Variants in LRRC63 observed in about 807,000 individuals in gnomAD.
The protein encoded by LRRC63 is leucine-rich repeat-containing protein 63.
A neutral mutation model predicts 49.5 loss-of-function variants in LRRC63; 40 were observed. The ratio of observed to expected loss-of-function variants is 0.81; its 90% CI spans 0.63 to 1.05. The LOEUF (loss-of-function observed/expected upper bound fraction) is 1.05. LRRC63 is among the 50% of genes least tolerant of loss of function. The pLI, the probability that LRRC63 is intolerant of heterozygous loss-of-function variation, is 0.00. For synonymous variants in LRRC63, 191 were observed against 221.1 expected (o/e 0.86, Z 1.21); for missense variants, 636 against 663.1 (o/e 0.96, Z 0.45).
intron 6 of LRRC63, 126 bp from the exon 7 acceptor site, chr13:46,250,229 T>G: frequency 5.0e-5 from 41 of 814,394 alleles, no homozygotes; most frequent in Non-Finnish European, 6.5e-5. Context: ...CTGAGTTACA[T>G]GATATAGCCA....
chr13:46,271,689 G>A (rs1455912523), intron 9 of LRRC63, among the ~76,000 whole-genome samples: 1 of 145,832 alleles, frequency 6.9e-6, no homozygotes, highest in Non-Finnish European at 1.5e-5. Context: ...AGAAGCCTTT[G>A]AAAGGAGCAA....
intron 1 of LRRC63, among the ~76,000 whole-genome samples, chr13:46,212,783 A>G (rs994653998): frequency 1.3e-5 from 2 of 152,200 alleles, no homozygotes; most frequent in African/African-American, 4.8e-5. Flanking sequence ...TTAAAATTCT[A>G]TGTTTACTTA....
At chr13:46,229,085 T>C (rs1389284565) in intron 4 of LRRC63, among the ~76,000 whole-genome samples, 1 of 152,172 alleles carries the variant, frequency 6.6e-6, no homozygotes, top group Non-Finnish European at 1.5e-5. Flanking sequence ...AGATGTTACA[T>C]TATGTCTACA....
chr13:46,246,521 T>C lies in LRRC63; in HGVS notation c.991-6T>C. The C allele has an allele frequency of 1.4e-6, 2 of 1,422,398 alleles. No homozygotes were observed. The highest frequency in any genetic ancestry group is 1.9e-6 in the Non-Finnish European group (2 of 1,081,010). The allele number at this position is 1,422,398 out of a possible 1,614,324, so 88.1% of individuals were successfully genotyped here. ...TAACACCTTATCTCTTGTCACTTTC[T>C]TTTAGGGCTTTTTTATCCTAAATTG... On this transcript the variant is annotated splice_polypyrimidine_tract_variant and splice_region_variant and intron_variant, in intron 5 of 9. Coordinates refer to ENST00000595396, the Ensembl canonical transcript of LRRC63.
intron 5 of LRRC63, among the ~76,000 whole-genome samples, chr13:46,240,671 A>T (rs2047036606): frequency 6.6e-6 from 1 of 152,206 alleles, no homozygotes; most frequent in Non-Finnish European, 1.5e-5. Flanking sequence ...AATCACAGAC[A>T]TTCTTATACA....
chr13:46,231,233 A>T (rs1387254408), intron 4 of LRRC63, among the ~76,000 whole-genome samples: 1 of 152,162 alleles, frequency 6.6e-6, no homozygotes, highest in Non-Finnish European at 1.5e-5. Context: ...ATGTATCTTT[A>T]TAGCAATGCC....
At position 46,270,630 on chromosome 13, in the gene LRRC63, C is replaced by T. The variant is rs543995579; in HGVS notation, c.1550+3658C>T. The stretch of plus-strand genomic sequence containing the variant: ...ACAACAGTGACGTCATGAGGACTGA[C>T]ATGGAGCAAAAAGCAAAGTGGGATT... On this transcript the variant is annotated intron_variant, in intron 9 of 9. Transcript: ENST00000595396. 8.5e-6 allele frequency: 7 copies of T among 820,376 alleles called. No homozygotes were observed. The South Asian group carries it at 9.2e-5, about 11-fold the overall frequency. The allele number at this position is 820,376 out of a possible 1,614,324, so 50.8% of individuals were successfully genotyped here.
At chr13:46,221,413 G>A (rs931012632) in intron 2 of LRRC63, among the ~76,000 whole-genome samples, 6 of 152,154 alleles carry the variant, frequency 3.9e-5, no homozygotes, top group Non-Finnish European at 7.3e-5. Flanking sequence ...GTGAGGTAAA[G>A]TAGATCCTGT....
intron 5 of LRRC63, among the ~76,000 whole-genome samples, chr13:46,242,062 C>G (rs1312908121): frequency 6.6e-6 from 1 of 152,090 alleles, no homozygotes; most frequent in Non-Finnish European, 1.5e-5. Context: ...ATGGAATCAA[C>G]CTAAATGCAC....
Position 46,212,994 on chromosome 13 carries a change from A to T in LRRC63, c.-33-8A>T. 1 of 1,330,100 alleles carries T rather than the reference A, an allele frequency of 7.5e-7. No individual in the cohort carries two copies. The highest frequency in any genetic ancestry group is 1.0e-6 in the Non-Finnish European group (1 of 960,758). The allele number at this position is 1,330,100 out of a possible 1,614,324, so 82.4% of individuals were successfully genotyped here. A position where few individuals can be genotyped will look rare whatever the true frequency, so the allele number is the denominator to read the frequency against. On this transcript the variant is annotated splice_polypyrimidine_tract_variant and splice_region_variant and intron_variant, in intron 1 of 9. Coordinates refer to ENST00000595396, the Ensembl canonical transcript of LRRC63. ...TTCAAAACCTTTTCAATTCTCATTT[A>T]AACCAAGGATTATGAAAAACAGCAC...
intron 2 of LRRC63, among the ~76,000 whole-genome samples, chr13:46,222,371 C>A (rs2046431755): frequency 6.6e-6 from 1 of 152,104 alleles, no homozygotes; most frequent in South Asian, 2.1e-4. Flanking sequence ...CCTAGGTCTT[C>A]TTATAGTATT....
At chr13:46,261,888 A>T in intron 7 of LRRC63, 21 bp from the exon 8 acceptor site, 1 of 811,640 alleles carries the variant, frequency 1.2e-6, no homozygotes, top group Non-Finnish European at 1.7e-6. Context: ...TTCTACAATT[A>T]ATTTTCTCTT....
rs1348094879 is a variant in LRRC63 at position 46,258,586 on chromosome 13, A to G, written c.1227-3323A>G. On this transcript the variant is annotated intron_variant, in intron 7 of 9. Coordinates refer to ENST00000595396, the Ensembl canonical transcript of LRRC63. ...GCACTTTGGGAGGCCGGGGTGGGCG[A>G]ATCACGAGGTCAGGAGATCGAGACC... Among the ~76,000 whole-genome samples the G allele has an allele frequency of 3.1e-4, 47 of 150,930 alleles. 1 individual carries two copies. The highest frequency in any genetic ancestry group is 8.0e-4 in the East Asian group (4 of 4,992).
In LRRC63 at chr13:46,227,880, CT is replaced by C; in HGVS notation, c.457del (p.Ser153LeufsTer44). 2 of 1,550,494 alleles carry C rather than the reference CT, an allele frequency of 1.3e-6. No individual in the cohort carries two copies. The highest frequency in any genetic ancestry group is 4.9e-5 in the East Asian group (2 of 40,922). On this transcript the variant is annotated frameshift_variant, in exon 3 of 10. Transcript: ENST00000595396. LOFTEE classifies it high-confidence loss of function. ...AAAAAGGCTAGAAAACATTTTAATT[CT>C]TTCTTCCAAGTTTTCCAAACCTAAA...
At chr13:46,217,715 A>G (rs537072388) in intron 2 of LRRC63, among the ~76,000 whole-genome samples, 37 of 152,266 alleles carry the variant, frequency 2.4e-4, no homozygotes, top group African/African-American at 8.4e-4. Flanking sequence ...TCAATTTTAC[A>G]TCTTTCCTGC....
chr13:46,248,029 A>G (rs527768900), intron 6 of LRRC63, among the ~76,000 whole-genome samples: 15 of 152,014 alleles, frequency 9.9e-5, no homozygotes, highest in African/African-American at 3.4e-4. Context: ...GAACATTTTC[A>G]TATCTCACTG....
intron 5 of LRRC63, among the ~76,000 whole-genome samples, chr13:46,237,777 A>G (rs957817799): frequency 1.3e-5 from 2 of 152,180 alleles, no homozygotes; most frequent in African/African-American, 4.8e-5. Context: ...AACTGGCCTT[A>G]CAAAAATGAA....
At chr13:46,238,570 A>T (rs1253925380) in intron 5 of LRRC63, among the ~76,000 whole-genome samples, 1 of 152,212 alleles carries the variant, frequency 6.6e-6, no homozygotes, top group African/African-American at 2.4e-5. Flanking sequence ...GTCTTACATG[A>T]CGATAAGCAA....
Position 46,246,527 on chromosome 13 carries a change from G to T in LRRC63, c.991G>T (p.Gly331Cys). ...CTTATCTCTTGTCACTTTCTTTTAG[G>T]GCTTTTTTATCCTAAATTGTCCAGA... Residue 331 changes from glycine to cysteine, a missense_variant and splice_region_variant, in exon 6 of 10, where the codon GGC (glycine) becomes TGC (cysteine). Gly to Cys is a radical substitution (Grantham distance 159). Coordinates refer to ENST00000595396, the Ensembl canonical transcript of LRRC63. 2.8e-6 allele frequency: 4 copies of T among 1,427,650 alleles called. No individual in the cohort carries two copies. The South Asian group carries it at 4.6e-5, about 16-fold the overall frequency. 88.4% of individuals were successfully genotyped at this position (1,427,650 alleles called of 1,614,324 possible).
Sources: allele counts gnomAD v4.1 joint callset (sites outside exome capture counted in the v4.1 genomes callset), GRCh38; gene constraint gnomAD v4.1.1; transcripts MANE v1.5; gene names NCBI Gene and HGNC (gene_info 2026-07-23, HGNC 2026-07-21).